NBEA: variants seen among roughly 807,000 people sequenced by gnomAD.
NBEA encodes the protein lysosomal-trafficking regulator 2.
NBEA carries 44 observed loss-of-function variants against 343.4 expected under a neutral mutation model. That is an observed-to-expected ratio of 0.13 (90% CI 0.10 to 0.16). NBEA has a LOEUF of 0.16. NBEA is among the 10% of genes least tolerant of loss of function. The probability of loss-of-function intolerance (pLI) is 1.00; values close to 1 mark genes in which losing one functional copy is unlikely to be tolerated. For synonymous variants in NBEA, 1,175 were observed against 1,238.7 expected (o/e 0.95, Z 1.08); for missense variants, 2,555 against 3,631.3 (o/e 0.70, Z 7.62).
At position 35,243,269 on chromosome 13, in the gene NBEA, A is replaced by G. The variant is rs539372397; in HGVS notation, c.5776+10650A>G. Among the ~76,000 whole-genome samples the G allele has an allele frequency of 3.3e-5, 5 of 152,000 alleles. No homozygotes were observed. The South Asian group carries it at 8.3e-4, about 25-fold the overall frequency. ...CATGATAACCACAAAGAAAATTTCT[A>G]TAGAAATTACACGAAAGAACAAGAG... is the stretch of plus-strand genomic sequence containing the variant. On this transcript the variant is annotated intron_variant, in intron 34 of 58. Coordinates refer to ENST00000379939, the MANE Select transcript of NBEA (RefSeq NM_001385012.1).
intron 38 of NBEA, among the ~76,000 whole-genome samples, chr13:35,365,818 A>G (rs1029061837): frequency 6.6e-6 from 1 of 151,598 alleles, no homozygotes; most frequent in Non-Finnish European, 1.5e-5. Flanking sequence ...TTATAACAAC[A>G]TATATTTTTG....
At chr13:35,243,249 T>C (rs961103725) in intron 34 of NBEA, among the ~76,000 whole-genome samples, 4 of 151,738 alleles carry the variant, frequency 2.6e-5, no homozygotes, top group African/African-American at 9.7e-5. Flanking sequence ...ATCCACATGA[T>C]AACCACAAAG....
At chr13:35,173,675 G>A (rs538762286) in intron 27 of NBEA, 81 bp downstream of exon 27, 10 of 1,371,074 alleles carry the variant, frequency 7.3e-6, no homozygotes, top group Admixed American at 4.1e-5. Context: ...AAGTGCCATG[G>A]TATTGCTCAG....
chr13:35,581,528 T>G (rs892481455), intron 45 of NBEA, among the ~76,000 whole-genome samples: 3 of 152,042 alleles, frequency 2.0e-5, no homozygotes, highest in African/African-American at 7.2e-5. Context: ...ATTAGCCCTT[T>G]GTCAGATGAG....
intron 18 of NBEA, among the ~76,000 whole-genome samples, chr13:35,153,843 A>G (rs1026282237): frequency 1.3e-5 from 2 of 152,142 alleles, no homozygotes; most frequent in East Asian, 3.9e-4. Flanking sequence ...TATAACCACA[A>G]TTTTCTTGGA....
intron 49 of NBEA, among the ~76,000 whole-genome samples, chr13:35,638,099 C>T (rs1208043551): frequency 6.6e-6 from 1 of 151,966 alleles, no homozygotes; most frequent in Non-Finnish European, 1.5e-5. Context: ...AATAGTGACC[C>T]CCAGGGACTA....
chr13:35,633,722 T>C (rs1225108304), intron 49 of NBEA, among the ~76,000 whole-genome samples: 1 of 152,034 alleles, frequency 6.6e-6, no homozygotes, highest in Non-Finnish European at 1.5e-5. Flanking sequence ...ACTTAAACTA[T>C]AAAGCACTAC....
At chr13:35,443,558 A>G (rs1251188243) in intron 39 of NBEA, among the ~76,000 whole-genome samples, 2 of 152,048 alleles carry the variant, frequency 1.3e-5, no homozygotes, top group Non-Finnish European at 2.9e-5. Flanking sequence ...GGATGGTTGA[A>G]CTATCCAGAC....
intron 16 of NBEA, among the ~76,000 whole-genome samples, chr13:35,120,728 T>A (rs2066749534): frequency 7.4e-6 from 1 of 135,312 alleles, no homozygotes; most frequent in African/African-American, 3.5e-5. Context: ...TTTGATGTTT[T>A]TATATCTGGG....
At chr13:35,650,174 A>G (rs1247237749) in intron 52 of NBEA, among the ~76,000 whole-genome samples, 1 of 152,130 alleles carries the variant, frequency 6.6e-6, no homozygotes, top group Non-Finnish European at 1.5e-5. Context: ...CTTTTTTCCT[A>G]TATCAAACAG....
At chr13:35,642,383 G>C (rs762261028) in intron 49 of NBEA, among the ~76,000 whole-genome samples, 8 of 152,094 alleles carry the variant, frequency 5.3e-5, no homozygotes, top group Non-Finnish European at 1.2e-4. Context: ...GGATAACATA[G>C]ATTTAATGAA....
At chr13:35,113,309 A>T (rs1313535286) in intron 13 of NBEA, among the ~76,000 whole-genome samples, 2 of 152,128 alleles carry the variant, frequency 1.3e-5, no homozygotes, top group Admixed American at 6.6e-5. Context: ...TTTACAAGTG[A>T]TGTTAACTTT....
At chr13:35,616,745 T>C (rs1245102138) in intron 48 of NBEA, among the ~76,000 whole-genome samples, 5 of 152,244 alleles carry the variant, frequency 3.3e-5, no homozygotes, top group South Asian at 2.1e-4. Flanking sequence ...AGAGTACTTA[T>C]ATTGCACATA....
rs749550976 is a variant in NBEA, at chr13:35,665,198, T to C, written c.8464+12T>C. The C allele has an allele frequency of 3.5e-5, 54 of 1,554,066 alleles. No individual in the cohort carries two copies. Among genetic ancestry groups the C allele is most frequent in the Middle Eastern group, 1.7e-4 (1 of 6,006 alleles). ...CAGTGGTGCTAAAGGTCAGAAGTCA[T>C]TTCTTTCATTTTCAATGTCTAGAAG... is the stretch of plus-strand genomic sequence containing the variant. On this transcript the variant is annotated intron_variant, in intron 56 of 58. Transcript: ENST00000379939.
intron 40 of NBEA, among the ~76,000 whole-genome samples, chr13:35,459,433 A>G (rs147085850): frequency 1.7e-3 from 254 of 152,136 alleles, no homozygotes; most frequent in African/African-American, 6.0e-3. Context: ...TTACTTAACC[A>G]TTAACATCTT....
chr13:35,549,606 T>C (rs2079217848), intron 41 of NBEA, among the ~76,000 whole-genome samples: 1 of 152,166 alleles, frequency 6.6e-6, no homozygotes, highest in Non-Finnish European at 1.5e-5. Flanking sequence ...GGCCTTCCTC[T>C]CATAGTTACA....
At chr13:35,077,649 A>G (rs1205690921) in intron 10 of NBEA, among the ~76,000 whole-genome samples, 2 of 152,060 alleles carry the variant, frequency 1.3e-5, no homozygotes, top group Non-Finnish European at 2.9e-5. Flanking sequence ...ATATCCAGTA[A>G]TTGCTGTTGC....
intron 16 of NBEA, among the ~76,000 whole-genome samples, chr13:35,119,496 T>C (rs2066674948): frequency 6.6e-6 from 1 of 152,204 alleles, no homozygotes; most frequent in African/African-American, 2.4e-5. Flanking sequence ...AGTTGTGATA[T>C]GAGTATTACC....
In NBEA at chr13:35,171,204, A is replaced by G. The variant is rs1208737834; in HGVS notation, c.4243-68A>G. On this transcript the variant is annotated intron_variant, in intron 25 of 58. Coordinates refer to ENST00000379939, the MANE Select transcript of NBEA (RefSeq NM_001385012.1). Reference sequence around the variant, plus strand: ...AAATTTATGTTCACTTGTAGTATGTATGTATATGTATTATATTTCCAAATT... The same window carrying G: ...AAATTTATGTTCACTTGTAGTATGTGTGTATATGTATTATATTTCCAAATT... The G allele has an allele frequency of 3.6e-6, 4 of 1,117,088 alleles. No homozygotes were observed. In the Admixed American group the frequency reaches 5.5e-5, roughly 15 times the overall value. 69.2% of individuals were successfully genotyped at this position (1,117,088 alleles called of 1,614,324 possible). A position where few individuals can be genotyped will look rare whatever the true frequency, so the allele number is the denominator to read the frequency against.
Sources: allele counts gnomAD v4.1 joint callset (sites outside exome capture counted in the v4.1 genomes callset), GRCh38; gene constraint gnomAD v4.1.1; transcripts MANE v1.5; gene names NCBI Gene and HGNC (gene_info 2026-07-23, HGNC 2026-07-21).